The following RNF6 variants were observed in gnomAD, a reference collection of about 807,000 sequenced individuals.
RNF6 encodes ring finger protein 6, also known as E3 ubiquitin-protein ligase RNF6.
Under a neutral mutation model 50.1 loss-of-function variants are expected in RNF6, and 21 were observed. That is an observed-to-expected ratio of 0.42 (90% CI 0.30 to 0.60). The LOEUF is 0.60. Ranked by LOEUF, RNF6 falls within the 20% of genes least tolerant of loss-of-function variation. The pLI is 0.20. For synonymous variants in RNF6, 255 were observed against 291.8 expected (o/e 0.87, Z 1.29); for missense variants, 698 against 838.2 (o/e 0.83, Z 2.07).
chr13:26,215,354 A>G lies in RNF6; in HGVS notation c.528T>C (p.Asp176=), dbSNP rs138468421. 1.0e-3 allele frequency: 1,632 copies of G among 1,614,196 alleles called. 11 individuals carry two copies. The highest frequency in any genetic ancestry group is 3.4e-4 in the Non-Finnish European group (402 of 1,180,044). Residue 176 remains aspartate, a synonymous_variant, in exon 5 of 5, where the codon GAT becomes GAC. Transcript: ENST00000381588. The stretch of plus-strand genomic sequence containing the variant: ...TATTTGCAGTATGATCTCTGTTACT[A>G]TCTGAAAGTGGAATGTCTGTATAAT... The part of the protein sequence containing the change: ...GEDYTDIPLS[D]SNRDHTANRQ...
At chr13:26,194,164 T>C (rs1180417374) in intron 5 of RNF6, among the ~76,000 whole-genome samples, 1 of 152,120 alleles carries the variant, frequency 6.6e-6, no homozygotes, top group African/African-American at 2.4e-5. Flanking sequence ...CACAGATGGG[T>C]ATTTTTCTCA....
intron 5 of RNF6, chr13:26,132,516 C>T (rs946791101): frequency 6.6e-5 from 29 of 441,326 alleles, no homozygotes; most frequent in Non-Finnish European, 1.2e-4. Flanking sequence ...TTTAAACTTC[C>T]ATGTCTTTAG....
chr13:26,155,658 G>A (rs993440744), intron 5 of RNF6, among the ~76,000 whole-genome samples: 1 of 152,218 alleles, frequency 6.6e-6, no homozygotes, highest in African/African-American at 2.4e-5. Flanking sequence ...CAATAGGTCT[G>A]AAGGGATGCC....
chr13:26,201,333 G>C (rs1868890150), intron 5 of RNF6, among the ~76,000 whole-genome samples: 1 of 152,284 alleles, frequency 6.6e-6, no homozygotes, highest in East Asian at 1.9e-4. Context: ...AACTAATTTG[G>C]TTACATTTGT....
chr13:26,163,150 A>G (rs1872291918), intron 5 of RNF6, among the ~76,000 whole-genome samples: 1 of 150,928 alleles, frequency 6.6e-6, no homozygotes, highest in South Asian at 2.1e-4. Context: ...CTCTCTACTA[A>G]AAATACAAAA....
chr13:26,187,139 T>C (rs9581582), intron 5 of RNF6, among the ~76,000 whole-genome samples: 2 of 73,414 alleles, frequency 2.7e-5, no homozygotes, highest in Admixed American at 2.5e-4. Context: ...CTGTCCCCGC[T>C]TCCTGTTTCT....
intron 5 of RNF6, among the ~76,000 whole-genome samples, chr13:26,199,237 A>G (rs190152888): frequency 7.2e-4 from 110 of 152,322 alleles, no homozygotes; most frequent in Admixed American, 1.9e-3. Flanking sequence ...CCACACATAT[A>G]TGTTCAACTA....
At chr13:26,135,182 T>C (rs908542506) in intron 5 of RNF6, among the ~76,000 whole-genome samples, 1 of 152,210 alleles carries the variant, frequency 6.6e-6, no homozygotes, top group African/African-American at 2.4e-5. Context: ...ATAAGATCTC[T>C]TACAGTTCAT....
chr13:26,138,897 G>A (rs562368979), intron 5 of RNF6, among the ~76,000 whole-genome samples: 8 of 152,206 alleles, frequency 5.3e-5, no homozygotes, highest in East Asian at 3.9e-4. Context: ...TTAAACCACC[G>A]TAAATTAAAT....
At chr13:26,180,071 C>T (rs970916890) in intron 5 of RNF6, among the ~76,000 whole-genome samples, 6 of 152,166 alleles carry the variant, frequency 3.9e-5, no homozygotes, top group South Asian at 2.1e-4. Flanking sequence ...TTGGCAGTAA[C>T]CCAAATGACA....
intron 5 of RNF6, among the ~76,000 whole-genome samples, chr13:26,137,596 T>C (rs1490534815): frequency 6.7e-6 from 1 of 149,100 alleles, no homozygotes; most frequent in Non-Finnish European, 1.5e-5. Flanking sequence ...TTGAAAGAAA[T>C]AATATATAAG....
In RNF6 at chr13:26,214,892, A is replaced by G; in HGVS notation, c.990T>C (p.Ser330=). 6.2e-7 allele frequency: 1 copy of G among 1,614,204 alleles called. No individual in the cohort carries two copies. The highest frequency in any genetic ancestry group is 8.5e-7 in the Non-Finnish European group (1 of 1,180,034). ...TTCTAGTGGTTTGCTGTACTGGTCT[A>G]CTTTCCCTTTGGGAATTATGATAAA... ...GTVYHNSQRE[S]RPVQQTTRRS... Residue 330 remains serine, a synonymous_variant, in exon 5 of 5, where the codon AGT becomes AGC. Transcript: ENST00000381588.
intron 5 of RNF6, among the ~76,000 whole-genome samples, chr13:26,155,311 A>G (rs1871856483): frequency 1.3e-5 from 2 of 151,930 alleles, no homozygotes; most frequent in Admixed American, 6.6e-5. Context: ...CTGCATCTAC[A>G]TGACTAGATC....
intron 5 of RNF6, among the ~76,000 whole-genome samples, chr13:26,157,904 A>C (rs555783318): frequency 1.2e-4 from 18 of 148,948 alleles, no homozygotes; most frequent in South Asian, 6.2e-4. Flanking sequence ...GGATGGATGG[A>C]TGGATGGATG....
In RNF6 at chr13:26,222,245, C is replaced by G. The variant is rs1870594522; in HGVS notation, c.-344G>C. Reference sequence around the variant, plus strand: ...ACGGCAGGCCCCAGCCCTTCTTTCCCGACAGCCACGCCGCCCACTTGGCGG... The same window carrying G: ...ACGGCAGGCCCCAGCCCTTCTTTCCGGACAGCCACGCCGCCCACTTGGCGG... On this transcript the variant is annotated 5_prime_UTR_variant, in exon 1 of 5. Coordinates refer to ENST00000381588, the MANE Select transcript of RNF6 (RefSeq NM_005977.4). The G allele has an allele frequency of 6.6e-6, 1 of 152,346 alleles. No individual in the cohort carries two copies. 9.4% of individuals were successfully genotyped at this position (152,346 alleles called of 1,614,324 possible).
At chr13:26,162,262 G>C (rs896695833) in intron 5 of RNF6, among the ~76,000 whole-genome samples, 1 of 152,104 alleles carries the variant, frequency 6.6e-6, no homozygotes, top group African/African-American at 2.4e-5. Context: ...CATCCCTCTA[G>C]CTTAGAACCC....
Position 26,214,703 on chromosome 13 carries a change from T to C in RNF6, c.1179A>G (p.Arg393=), listed in dbSNP as rs1232361385. The change falls in exon 5 of 5, where the codon CGA becomes CGG. Residue 393 remains arginine, a synonymous_variant. Coordinates refer to ENST00000381588, the MANE Select transcript of RNF6 (RefSeq NM_005977.4). ...GAAGGTCCAGTGTGATTGTTGGATG[T>C]CGTCGTACAGCAGTTGAGGATCTGC... is the stretch of plus-strand genomic sequence containing the variant. ...ESSRSSTAVR[R]HPTITLDLQV... 2 of 1,614,268 alleles carry C rather than the reference T, an allele frequency of 1.2e-6. No homozygotes were observed. Among genetic ancestry groups the C allele is most frequent in the Admixed American group, 3.3e-5 (2 of 60,032 alleles).
chr13:26,198,174 T>C (rs1376091634), intron 5 of RNF6, among the ~76,000 whole-genome samples: 1 of 151,478 alleles, frequency 6.6e-6, no homozygotes, highest in African/African-American at 2.4e-5. Flanking sequence ...GAGAGAAATA[T>C]TCATTTTAAG....
chr13:26,157,308 A>G (rs1464824776), intron 5 of RNF6, among the ~76,000 whole-genome samples: 1 of 152,286 alleles, frequency 6.6e-6, no homozygotes, highest in African/African-American at 2.4e-5. Flanking sequence ...ATATTAGAAG[A>G]AAATGTAGAT....
Sources: allele counts gnomAD v4.1 joint callset (sites outside exome capture counted in the v4.1 genomes callset), GRCh38; gene constraint gnomAD v4.1.1; transcripts MANE v1.5; gene names NCBI Gene and HGNC (gene_info 2026-07-23, HGNC 2026-07-21).